Variants in LRRC53 observed in about 807,000 individuals in gnomAD.
The protein encoded by LRRC53 is leucine rich repeat containing 53.
LRRC53 carries 25 observed loss-of-function variants against 13.6 expected under a neutral mutation model. The observed-to-expected ratio is 1.83, with a 90% CI of 1.34 to 2.56. LRRC53 has a LOEUF of 2.56. Ranked by LOEUF, LRRC53 falls within the 30% of genes most tolerant of loss-of-function variation. LRRC53 has a pLI of 0.00. For synonymous variants in LRRC53, 204 were observed against 109.8 expected (o/e 1.86, Z -5.37); for missense variants, 527 against 275.8 (o/e 1.91, Z -6.45).
At chr1:74,518,678 T>A in the LRRC53 span, among the ~76,000 whole-genome samples, 3 of 152,086 alleles carry the variant, frequency 2.0e-5, no homozygotes, top group African/African-American at 7.2e-5. Flanking sequence ...TTCAAAACAA[T>A]ATCTGTTTTT....
chr1:74,524,766 AAATG>A, the LRRC53 span, among the ~76,000 whole-genome samples: 183 of 152,014 alleles, frequency 1.2e-3, no homozygotes, highest in Middle Eastern at 6.8e-3. Flanking sequence ...TAAAAAAAAA[AAATG>A]AAAAAGAAAG....
the LRRC53 span, among the ~76,000 whole-genome samples, chr1:74,526,415 T>C: frequency 1.3e-5 from 2 of 152,160 alleles, no homozygotes; most frequent in Admixed American, 1.3e-4. Context: ...TATAAAGTAG[T>C]GATTAAAAGC....
chr1:74,479,198 A>G (rs1260949947), intron 3 of LRRC53, among the ~76,000 whole-genome samples: 1 of 152,126 alleles, frequency 6.6e-6, no homozygotes, highest in African/African-American at 2.4e-5. Context: ...CCACAGGTGC[A>G]GAGGATTTCA....
rs574688223 is a variant in LRRC53, at chr1:74,486,706, G to C, written c.-26-3331C>G. Among the ~76,000 whole-genome samples the C allele has an allele frequency of 5.3e-5, 8 of 152,090 alleles. No individual in the cohort carries two copies. In the South Asian group the frequency reaches 8.3e-4, roughly 16 times the overall value. On this transcript the variant is annotated intron_variant, in intron 1 of 4. Coordinates refer to ENST00000294635, the MANE Select transcript of LRRC53 (RefSeq NM_001382280.1). The stretch of plus-strand genomic sequence containing the variant: ...CAACAAATTAATTTTAAAGGGTAAA[G>C]AGACTCAAAGACTGAGTCTTGGGGC...
chr1:74,511,385 G>A (rs1470025759), intron 1 of LRRC53, among the ~76,000 whole-genome samples: 1 of 152,018 alleles, frequency 6.6e-6, no homozygotes, highest in Non-Finnish European at 1.5e-5. Flanking sequence ...TAGAGATAGG[G>A]TTTTGCCATG....
intron 4 of LRRC53, among the ~76,000 whole-genome samples, chr1:74,473,575 A>G (rs969368349): frequency 7.2e-5 from 11 of 151,888 alleles, no homozygotes; most frequent in African/African-American, 2.4e-4. Flanking sequence ...TTAGGCCTCA[A>G]AATTAACTTT....
intron 1 of LRRC53, among the ~76,000 whole-genome samples, chr1:74,494,367 T>C (rs919829358): frequency 6.6e-5 from 10 of 152,218 alleles, no homozygotes; most frequent in Non-Finnish European, 1.3e-4. Flanking sequence ...TATGAAGAGA[T>C]GGGACTCTGA....
the LRRC53 span, among the ~76,000 whole-genome samples, chr1:74,528,793 G>A: frequency 6.6e-6 from 1 of 152,164 alleles, no homozygotes; most frequent in Non-Finnish European, 1.5e-5. Context: ...CACTTCAACT[G>A]CAGGAACACA....
chr1:74,491,662 C>A (rs1034517446), intron 1 of LRRC53, among the ~76,000 whole-genome samples: 1 of 152,110 alleles, frequency 6.6e-6, no homozygotes, highest in Non-Finnish European at 1.5e-5. Flanking sequence ...TTGATGTATT[C>A]TTGGAAAAGT....
chr1:74,505,436 G>A (rs1199607136), intron 1 of LRRC53, among the ~76,000 whole-genome samples: 2 of 152,212 alleles, frequency 1.3e-5, no homozygotes, highest in African/African-American at 4.8e-5. Context: ...TAAGAAGTGG[G>A]TGATGCTGGT....
At chr1:74,472,339 A>G in intron 4 of LRRC53, 138 bp from the exon 5 acceptor site, 1 of 592,656 alleles carries the variant, frequency 1.7e-6, no homozygotes, top group Non-Finnish European at 3.0e-6. Flanking sequence ...CCTAATTTGT[A>G]ACCAAACCTA....
At chr1:74,478,762 GT>G (rs1176452543) in intron 3 of LRRC53, among the ~76,000 whole-genome samples, 5 of 152,160 alleles carry the variant, frequency 3.3e-5, no homozygotes, top group African/African-American at 1.2e-4. Flanking sequence ...GCATCTGTGT[GT>G]TTTTATTGGG....
chr1:74,510,188 A>G (rs1436406045), intron 1 of LRRC53, among the ~76,000 whole-genome samples: 1 of 152,144 alleles, frequency 6.6e-6, no homozygotes, highest in African/African-American at 2.4e-5. Context: ...TCAGTAGTAG[A>G]GAGGGCAATC....
intron 1 of LRRC53, among the ~76,000 whole-genome samples, chr1:74,485,104 T>C (rs1668688020): frequency 6.6e-6 from 1 of 152,190 alleles, no homozygotes; most frequent in Non-Finnish European, 1.5e-5. Context: ...CAAAGAACTT[T>C]CTAGCTAGTG....
intron 1 of LRRC53, among the ~76,000 whole-genome samples, chr1:74,505,070 A>T (rs1053781362): frequency 1.3e-5 from 2 of 152,294 alleles, no homozygotes; most frequent in African/African-American, 4.8e-5. Flanking sequence ...TCATTCCTGA[A>T]AATGAAGAGA....
chr1:74,520,022 A>C, the LRRC53 span, among the ~76,000 whole-genome samples: 1 of 152,088 alleles, frequency 6.6e-6, no homozygotes, highest in Admixed American at 6.6e-5. Flanking sequence ...TATTTCCATA[A>C]GTTTTTGGGG....
At chr1:74,520,705 A>T in the LRRC53 span, among the ~76,000 whole-genome samples, 1 of 152,094 alleles carries the variant, frequency 6.6e-6, no homozygotes, top group Admixed American at 6.6e-5. Flanking sequence ...AAGAGAAGGA[A>T]GGGAGGCCTG....
At chr1:74,500,585 CA>C (rs1669568513) in intron 1 of LRRC53, among the ~76,000 whole-genome samples, 1 of 114,512 alleles carries the variant, frequency 8.7e-6, no homozygotes, top group Non-Finnish European at 1.7e-5. Flanking sequence ...GCCTGGGCGA[CA>C]GAGCGAGACT....
chr1:74,489,254 A>T (rs1668921300), intron 1 of LRRC53: 1 of 1,606,436 alleles, frequency 6.2e-7, no homozygotes, highest in Non-Finnish European at 8.5e-7. Context: ...TTGAGGTAAA[A>T]GCTTTAGCTT....
Sources: allele counts gnomAD v4.1 joint callset (sites outside exome capture counted in the v4.1 genomes callset), GRCh38; gene constraint gnomAD v4.1.1; transcripts MANE v1.5; gene names NCBI Gene and HGNC (gene_info 2026-07-23, HGNC 2026-07-21).